The following FBXW7 variants were observed in gnomAD, a reference collection of about 807,000 sequenced individuals.
FBXW7 encodes F-box/WD repeat-containing protein 7.
In FBXW7, 11 loss-of-function variants were observed where a neutral mutation model predicts 86.3. The ratio of observed to expected loss-of-function variants is 0.13; its 90% confidence interval spans 0.08 to 0.21. The LOEUF (loss-of-function observed/expected upper bound fraction) is 0.21. FBXW7 is among the 10% of genes least tolerant of loss of function. The pLI is 1.00. For missense variants in FBXW7, 488 were observed against 847.4 expected (o/e 0.58, Z 5.27); for synonymous variants, 313 against 297.9 (o/e 1.05, Z -0.52).
At chr4:152,416,037 T>G (rs1253297084) in intron 2 of FBXW7, among the ~76,000 whole-genome samples, 1 of 152,184 alleles carries the variant, frequency 6.6e-6, no homozygotes, top group Admixed American at 6.6e-5. Context: ...CCTATCCATC[T>G]ATCCATCCAT....
At chr4:152,374,207 C>T (rs977809945) in intron 4 of FBXW7, among the ~76,000 whole-genome samples, 1 of 151,774 alleles carries the variant, frequency 6.6e-6, no homozygotes, top group African/African-American at 2.4e-5. Flanking sequence ...TATTAAATTC[C>T]CTCTCTAAAT....
At chr4:152,338,494 AAAC>A (rs1730387206) in intron 6 of FBXW7, among the ~76,000 whole-genome samples, 1 of 152,240 alleles carries the variant, frequency 6.6e-6, no homozygotes, top group East Asian at 1.9e-4. Context: ...AAAATAGAAT[AAAC>A]AATAAAAACA....
chr4:152,530,323 T>C (rs1749917016), intron 2 of FBXW7: 1 of 152,180 alleles, frequency 6.6e-6, no homozygotes, highest in Non-Finnish European at 1.5e-5. Context: ...TTAATGCTCT[T>C]ATAATTTGAC....
At chr4:152,352,354 C>T (rs1578963519) in intron 4 of FBXW7, 2 of 1,281,968 alleles carry the variant, frequency 1.6e-6, no homozygotes, top group East Asian at 2.4e-5. Context: ...TACCAGACAT[C>T]CAGCCACCCA....
At chr4:152,429,705 C>T (rs574131639) in intron 2 of FBXW7, among the ~76,000 whole-genome samples, 8 of 152,260 alleles carry the variant, frequency 5.3e-5, no homozygotes, top group African/African-American at 1.7e-4. Context: ...CAACCTTAAT[C>T]CAAGCCTGTT....
chr4:152,357,309 G>A (rs1732479391), intron 4 of FBXW7, among the ~76,000 whole-genome samples: 1 of 151,464 alleles, frequency 6.6e-6, no homozygotes, highest in South Asian at 2.1e-4. Flanking sequence ...TATAATTACA[G>A]AAGTAGTAGT....
chr4:152,491,920 C>A (rs1237471738), intron 2 of FBXW7, among the ~76,000 whole-genome samples: 1 of 151,964 alleles, frequency 6.6e-6, no homozygotes, highest in Non-Finnish European at 1.5e-5. Context: ...ACATGTATGC[C>A]ATTGAAATAC....
chr4:152,533,007 T>C (rs1750153396), intron 2 of FBXW7, among the ~76,000 whole-genome samples: 1 of 152,040 alleles, frequency 6.6e-6, no homozygotes, highest in South Asian at 2.1e-4. Flanking sequence ...ACCCACATGG[T>C]GAAACCCCAT....
intron 2 of FBXW7, among the ~76,000 whole-genome samples, chr4:152,426,323 G>T (rs986056218): frequency 6.6e-6 from 1 of 151,236 alleles, no homozygotes; most frequent in African/African-American, 2.4e-5. Context: ...ATGAGGAAGA[G>T]TAAATATTTC....
intron 4 of FBXW7, among the ~76,000 whole-genome samples, chr4:152,398,865 T>C (rs971590101): frequency 1.7e-4 from 26 of 152,224 alleles, no homozygotes; most frequent in East Asian, 3.9e-4. Flanking sequence ...ACTAATAAGA[T>C]TGATAAAATT....
At chr4:152,493,989 CA>C (rs1014391627) in intron 2 of FBXW7, among the ~76,000 whole-genome samples, 1 of 152,062 alleles carries the variant, frequency 6.6e-6, no homozygotes, top group African/African-American at 2.4e-5. Flanking sequence ...GAAATGGAAA[CA>C]ATAATTTCTA....
At chr4:152,498,317 T>C (rs1334456652) in intron 2 of FBXW7, among the ~76,000 whole-genome samples, 1 of 151,948 alleles carries the variant, frequency 6.6e-6, no homozygotes, top group Non-Finnish European at 1.5e-5. Context: ...CATAAAACAT[T>C]AAGAAGACAG....
chr4:152,374,350 GTTTC>G (rs1734290658), intron 4 of FBXW7, among the ~76,000 whole-genome samples: 1 of 151,882 alleles, frequency 6.6e-6, no homozygotes, highest in African/African-American at 2.4e-5. Context: ...TACCATGTGT[GTTTC>G]TTTTTCATTT....
At chr4:152,498,960 C>T (rs907434653) in intron 2 of FBXW7, among the ~76,000 whole-genome samples, 3 of 152,010 alleles carry the variant, frequency 2.0e-5, no homozygotes, top group Admixed American at 6.6e-5. Flanking sequence ...TAAAGTTAGA[C>T]GATCAATCAG....
chr4:152,366,783 C>A (rs1026438358), intron 4 of FBXW7, among the ~76,000 whole-genome samples: 1 of 152,156 alleles, frequency 6.6e-6, no homozygotes, highest in Non-Finnish European at 1.5e-5. Context: ...TGGGTATATA[C>A]CCAAAGGATT....
intron 6 of FBXW7, among the ~76,000 whole-genome samples, chr4:152,342,993 G>A (rs948168075): frequency 6.6e-6 from 1 of 152,036 alleles, no homozygotes; most frequent in Non-Finnish European, 1.5e-5. Flanking sequence ...TATCCTGTAG[G>A]TTTTAATCTT....
intron 2 of FBXW7, among the ~76,000 whole-genome samples, chr4:152,503,508 G>A (rs1165437565): frequency 1.3e-5 from 2 of 152,278 alleles, no homozygotes; most frequent in Admixed American, 1.3e-4. Context: ...CTGGCCTCAA[G>A]AGATCCACTT....
At chr4:152,339,526 C>A (rs1447463554) in intron 6 of FBXW7, among the ~76,000 whole-genome samples, 1 of 152,156 alleles carries the variant, frequency 6.6e-6, no homozygotes. Context: ...ACATCCCTCA[C>A]AGGATTTGAG....
intron 4 of FBXW7, among the ~76,000 whole-genome samples, chr4:152,382,816 T>C (rs1419679802): frequency 6.6e-6 from 1 of 152,184 alleles, no homozygotes; most frequent in Non-Finnish European, 1.5e-5. Context: ...ATTAATATTT[T>C]AGGAATGTTT....
Sources: gnomAD v4.1 joint callset for allele counts (sites outside exome capture counted in the v4.1 genomes callset) on GRCh38, gnomAD v4.1.1 for gene constraint, MANE v1.5 for transcripts, NCBI Gene and HGNC (gene_info 2026-07-23, HGNC 2026-07-21) for gene names.